Variants in WDR1 observed in about 807,000 individuals in gnomAD.
WDR1 encodes WD repeat-containing protein 1.
A neutral mutation model predicts 71.9 loss-of-function variants in WDR1; 21 were observed. The observed-to-expected ratio is 0.29, with a 90% CI of 0.21 to 0.42. WDR1 has a LOEUF of 0.42. WDR1 is among the 10% of genes least tolerant of loss of function. The pLI, the probability that WDR1 is intolerant of heterozygous loss-of-function variation, is 1.00. For missense variants in WDR1, 696 were observed against 824.5 expected (o/e 0.84, Z 1.91); for synonymous variants, 424 against 347.4 (o/e 1.22, Z -2.45).
chr4:10,105,436 A>G (rs963566285), intron 2 of WDR1, among the ~76,000 whole-genome samples: 3 of 152,226 alleles, frequency 2.0e-5, no homozygotes, highest in African/African-American at 4.8e-5. Context: ...CCATTTTGGG[A>G]TAATCGTTCG....
rs904827837 is a variant in WDR1, at chr4:10,078,648, C to A, written c.1395+243G>T. 1.1e-5 allele frequency: 5 copies of A among 463,502 alleles called. 1 individual carries two copies. The highest frequency in any genetic ancestry group is 1.9e-5 in the Non-Finnish European group (5 of 258,342). The allele number at this position is 463,502 out of a possible 1,614,324, so 28.7% of individuals were successfully genotyped here. On this transcript the variant is annotated intron_variant, in intron 12 of 14. Coordinates refer to ENST00000499869, the MANE Select transcript of WDR1 (RefSeq NM_017491.5). ...CTCCCTCTACCTCACTGTCCACAGTCTTGTGGGCACCCGGGCAGTGAGGTG... is the reference window on the plus strand; with the variant it reads ...CTCCCTCTACCTCACTGTCCACAGTATTGTGGGCACCCGGGCAGTGAGGTG...
At chr4:10,098,943 GCA>G in intron 4 of WDR1, 47 bp downstream of exon 4, 1 of 1,610,400 alleles carries the variant, frequency 6.2e-7, no homozygotes, top group Non-Finnish European at 8.5e-7. Flanking sequence ...GCACATGGAC[GCA>G]TGAGCCACAG....
At chr4:10,080,998 G>A (rs1200843881) in intron 11 of WDR1, among the ~76,000 whole-genome samples, 1 of 152,338 alleles carries the variant, frequency 6.6e-6, no homozygotes, top group South Asian at 2.1e-4. Context: ...CTACAATGCA[G>A]CAGGGCTGGG....
intron 5 of WDR1, among the ~76,000 whole-genome samples, chr4:10,089,517 A>G (rs1456721758): frequency 6.6e-6 from 1 of 152,250 alleles, no homozygotes; most frequent in African/African-American, 2.4e-5. Context: ...TACTCGAATA[A>G]GGAAATGAAT....
chr4:10,104,031 G>A (rs1329650085), intron 2 of WDR1, 45 bp from the exon 3 acceptor site: 4 of 1,546,498 alleles, frequency 2.6e-6, no homozygotes, highest in Admixed American at 3.8e-5. Flanking sequence ...TGGAGAAGCA[G>A]TCAAGCTTCC....
chr4:10,100,412 A>T (rs1358202887), intron 3 of WDR1, among the ~76,000 whole-genome samples: 1 of 152,240 alleles, frequency 6.6e-6, no homozygotes, highest in Non-Finnish European at 1.5e-5. Context: ...ACTAGTCTTC[A>T]GTGCACAGCA....
intron 5 of WDR1, among the ~76,000 whole-genome samples, chr4:10,089,689 G>T (rs1398764915): frequency 6.6e-6 from 1 of 152,220 alleles, no homozygotes; most frequent in Non-Finnish European, 1.5e-5. Context: ...GGCACAGGAA[G>T]GGCTCGCTGC....
Position 10,080,449 on chromosome 4 carries a change from C to G in WDR1, c.1284+908G>C, listed in dbSNP as rs111979584. On this transcript the variant is annotated intron_variant, in intron 11 of 14. Coordinates refer to ENST00000499869, the MANE Select transcript of WDR1 (RefSeq NM_017491.5). ...GATTCCCTTTGCACCTCCCCACCCC[C>G]ACTGGCTGTCCAGGCTGTTTGCAAT... Among the ~76,000 whole-genome samples, 936 of 152,358 alleles carry G rather than the reference C, an allele frequency of 6.1e-3. 6 individuals carry two copies. Among genetic ancestry groups the G allele is most frequent in the African/African-American group, 0.016 (667 of 41,584 alleles).
At chr4:10,092,890 G>C (rs1435539668) in intron 5 of WDR1, 2 of 455,598 alleles carry the variant, frequency 4.4e-6, no homozygotes, top group Admixed American at 5.0e-5. Context: ...AGCAGTCTCA[G>C]TCCAGCCTCA....
chr4:10,103,810 C>CCA, intron 3 of WDR1, 86 bp downstream of exon 3: 3 of 1,082,694 alleles, frequency 2.8e-6, no homozygotes, highest in East Asian at 2.8e-5. Flanking sequence ...CCCACTCTCC[C>CCA]AAGGCCAGAA....
In WDR1 at chr4:10,077,439, C is replaced by G; in HGVS notation, c.1579G>C (p.Val527Leu). 6.2e-7 allele frequency: 1 copy of G among 1,613,964 alleles called. No individual in the cohort carries two copies. Among genetic ancestry groups the G allele is most frequent in the Admixed American group, 1.7e-5 (1 of 60,016 alleles). The part of the protein sequence containing the change: ...SVADGYSENN[V>L]FYGHHAKIVC... ...ATTTTTGCATGGTGTCCATAAAAAACATTGTTCTCCTAGTTGCAGGTTGAA... is the reference window on the plus strand; with the variant it reads ...ATTTTTGCATGGTGTCCATAAAAAAGATTGTTCTCCTAGTTGCAGGTTGAA... Residue 527 changes from valine to leucine, a missense_variant, in exon 14 of 15, where the codon GTT becomes CTT. Val to Leu is a conservative substitution (Grantham distance 32). Transcript: ENST00000499869.
Position 10,083,165 on chromosome 4 carries a change from T to C in WDR1, c.1053A>G (p.Ser351=). Residue 351 remains serine, a synonymous_variant, in exon 10 of 15, where the codon TCA becomes TCG. Coordinates refer to ENST00000499869, the MANE Select transcript of WDR1 (RefSeq NM_017491.5). ...CGAAGGAGTCGTTCTCCCCCGTCTC[T>C]GAATCCCAGTAATGTAGGGTGGGGT... The part of the protein sequence containing the change: ...SHDGHINYWD[S]ETGENDSFAG... 1.2e-6 allele frequency: 2 copies of C among 1,613,626 alleles called. No homozygotes were observed. Among genetic ancestry groups the C allele is most frequent in the East Asian group, 2.2e-5 (1 of 44,876 alleles).
chr4:10,087,508 C>T (rs1711662256), intron 8 of WDR1, among the ~76,000 whole-genome samples, 199 bp downstream of exon 8: 1 of 152,222 alleles, frequency 6.6e-6, no homozygotes, highest in African/African-American at 2.4e-5. Context: ...TGGCACCTGG[C>T]CTGCCACCAT....
rs1002785296 is a variant in WDR1 at position 10,103,993 on chromosome 4, G to C, written c.139-7C>G. 6.3e-7 allele frequency: 1 copy of C among 1,590,800 alleles called. No homozygotes were observed. The highest frequency in any genetic ancestry group is 8.6e-7 in the Non-Finnish European group (1 of 1,168,918). On this transcript the variant is annotated splice_region_variant and splice_polypyrimidine_tract_variant and intron_variant, in intron 2 of 14. Transcript: ENST00000499869. The stretch of plus-strand genomic sequence containing the variant: ...TGTCAGCAAGGGCTGGGTTCTGCAG[G>C]AGGAGACCCCGGAATGAACAGAAGG...
rs141545818 is a variant in WDR1 at position 10,082,277 on chromosome 4, C to G, written c.1196+745G>C. On this transcript the variant is annotated intron_variant, in intron 10 of 14. Transcript: ENST00000499869. ...CACCTGCTAGGAGTTGCGTGCTGCA[C>G]CCTGTGCCAGGCTCCCATCAACAGG... Among the ~76,000 whole-genome samples the G allele has an allele frequency of 2.5e-3, 386 of 152,298 alleles. 6 individuals are homozygous for G. Among genetic ancestry groups the G allele is most frequent in the African/African-American group, 9.1e-3 (377 of 41,560 alleles).
At chr4:10,075,518 A>G (rs1405271893) in intron 14 of WDR1, 34 bp from the exon 15 acceptor site, 24 of 1,592,180 alleles carry the variant, frequency 1.5e-5, no homozygotes, top group Non-Finnish European at 2.1e-5. Flanking sequence ...ACGAAAAGCC[A>G]AACTTCTCTG....
chr4:10,115,093 C>G (rs1015168577), intron 2 of WDR1, among the ~76,000 whole-genome samples: 1 of 152,232 alleles, frequency 6.6e-6, no homozygotes, highest in African/African-American at 2.4e-5. Flanking sequence ...AGTTGACAAC[C>G]CTTGTATGCC....
intron 2 of WDR1, 181 bp downstream of exon 2, chr4:10,115,932 G>T: frequency 1.4e-6 from 1 of 733,678 alleles, no homozygotes; most frequent in Non-Finnish European, 2.2e-6. Flanking sequence ...AGCAGACAAG[G>T]ACCTGGGTGA....
Position 10,077,799 on chromosome 4 carries a change from T to A in WDR1, c.1523A>T (p.Asp508Val). The A allele has an allele frequency of 6.2e-7, 1 of 1,604,202 alleles. No individual in the cohort carries two copies. Among genetic ancestry groups the A allele is most frequent in the Non-Finnish European group, 8.5e-7 (1 of 1,175,660 alleles). Residue 508 changes from aspartate to valine, a missense_variant, in exon 13 of 15, where the codon GAC (aspartate) becomes GTC (valine). Coordinates refer to ENST00000499869, the MANE Select transcript of WDR1 (RefSeq NM_017491.5). The part of the protein sequence containing the change: ...SHDGAFLAVC[D>V]ASKVVTVFSV... ...GAACACTGTGACCACCTTGCTGGCG[T>A]CGCACACCGCGAGGAAGGCGCCGTC... is the stretch of plus-strand genomic sequence containing the variant.
Sources: allele counts gnomAD v4.1 joint callset (sites outside exome capture counted in the v4.1 genomes callset), GRCh38; gene constraint gnomAD v4.1.1; transcripts MANE v1.5; gene names NCBI Gene and HGNC (gene_info 2026-07-23, HGNC 2026-07-21).